The following SERPINC1 variants were observed in gnomAD, a reference collection of about 807,000 sequenced individuals.
The protein encoded by SERPINC1 is serpin family C member 1.
A neutral mutation model predicts 43.4 loss-of-function variants in SERPINC1; 12 were observed. The observed-to-expected ratio is 0.28, with a 90% CI of 0.18 to 0.45. The LOEUF (loss-of-function observed/expected upper bound fraction) is 0.45, where lower values mean the gene tolerates loss of function less well. SERPINC1 is among the 20% of genes least tolerant of loss of function. SERPINC1 has a pLI of 1.00. For missense variants in SERPINC1, 423 were observed against 578.8 expected (o/e 0.73, Z 2.76); for synonymous variants, 210 against 218.9 (o/e 0.96, Z 0.36).
intron 6 of SERPINC1, among the ~76,000 whole-genome samples, chr1:173,905,140 T>C (rs1301330202): frequency 6.6e-6 from 1 of 152,214 alleles, no homozygotes; most frequent in African/African-American, 2.4e-5. Context: ...GGATATTCAA[T>C]GAGAGTTAAA....
chr1:173,906,559 C>T (rs1240346418), intron 6 of SERPINC1, among the ~76,000 whole-genome samples: 1 of 152,072 alleles, frequency 6.6e-6, no homozygotes, highest in Non-Finnish European at 1.5e-5. Flanking sequence ...TCCATTTGCT[C>T]TTCATCCATT....
At chr1:173,904,669 T>C (rs557080348) in intron 6 of SERPINC1, among the ~76,000 whole-genome samples, 1 of 152,308 alleles carries the variant, frequency 6.6e-6, no homozygotes, top group Admixed American at 6.5e-5. Context: ...AAAACTCTGT[T>C]TCTGCTCTTA....
intron 2 of SERPINC1, among the ~76,000 whole-genome samples, 199 bp downstream of exon 2, chr1:173,914,354 G>A (rs1657897398): frequency 1.3e-5 from 2 of 152,218 alleles, no homozygotes; most frequent in Non-Finnish European, 2.9e-5. Context: ...AAAGTAGATA[G>A]CCAAGATTCC....
chr1:173,905,424 A>G (rs1256433568), intron 6 of SERPINC1, among the ~76,000 whole-genome samples: 2 of 151,986 alleles, frequency 1.3e-5, no homozygotes, highest in Non-Finnish European at 2.9e-5. Context: ...TGAGGCAATT[A>G]AAATATCTCA....
At chr1:173,909,973 A>T in intron 4 of SERPINC1, 31 bp from the exon 5 acceptor site, 1 of 1,609,350 alleles carries the variant, frequency 6.2e-7, no homozygotes, top group Non-Finnish European at 8.5e-7. Context: ...AAGAACACAA[A>T]CATTCATAGG....
chr1:173,913,842 G>A (rs6695940), intron 2 of SERPINC1, among the ~76,000 whole-genome samples: 24,213 of 147,932 alleles, frequency 0.16, 2,318 homozygotes, highest in African/African-American at 0.25. Flanking sequence ...ATGACAGAGC[G>A]AGACTCCGTC....
intron 6 of SERPINC1, among the ~76,000 whole-genome samples, chr1:173,904,622 C>T (rs1421029886): frequency 4.6e-5 from 7 of 152,130 alleles, no homozygotes; most frequent in Admixed American, 2.6e-4. Flanking sequence ...AGGGAAACAC[C>T]TTCAGAAAAT....
intron 1 of SERPINC1, among the ~76,000 whole-genome samples, chr1:173,916,344 G>C (rs966011252): frequency 6.6e-6 from 1 of 152,168 alleles, no homozygotes; most frequent in Admixed American, 6.6e-5. Flanking sequence ...GCAGATTCAC[G>C]GACGTGGTCC....
chr1:173,916,102 T>A (rs563691325), intron 1 of SERPINC1, among the ~76,000 whole-genome samples: 5 of 152,342 alleles, frequency 3.3e-5, no homozygotes, highest in African/African-American at 9.6e-5. Flanking sequence ...CCAACATGGA[T>A]TCAATGAAGG....
intron 6 of SERPINC1, among the ~76,000 whole-genome samples, chr1:173,904,526 G>A (rs1208163330): frequency 1.3e-5 from 2 of 152,144 alleles, no homozygotes; most frequent in Non-Finnish European, 2.9e-5. Context: ...GAAAAGAGGT[G>A]GGTTCTCTGG....
chr1:173,916,482 C>T (rs147973570), intron 1 of SERPINC1, among the ~76,000 whole-genome samples: 4 of 152,294 alleles, frequency 2.6e-5, no homozygotes, highest in African/African-American at 9.6e-5. Flanking sequence ...AGCAGCGGCA[C>T]CAAGGGAGAT....
chr1:173,914,962 C>G, intron 1 of SERPINC1, 43 bp from the exon 2 acceptor site: 2 of 1,595,698 alleles, frequency 1.3e-6, no homozygotes, highest in Non-Finnish European at 1.7e-6. Context: ...GCTGCAACCC[C>G]TAGCCCCACT....
At chr1:173,912,695 G>A (rs1161094704) in intron 2 of SERPINC1, among the ~76,000 whole-genome samples, 2 of 152,090 alleles carry the variant, frequency 1.3e-5, no homozygotes, top group Non-Finnish European at 2.9e-5. Context: ...TTTTTTTAGG[G>A]GGGGATTATG....
intron 1 of SERPINC1, among the ~76,000 whole-genome samples, chr1:173,916,032 T>C (rs1657974770): frequency 6.6e-6 from 1 of 152,206 alleles, no homozygotes; most frequent in South Asian, 2.1e-4. Flanking sequence ...TCACCAGTTA[T>C]TGCCACTGCT....
At chr1:173,915,919 C>T (rs1319907860) in intron 1 of SERPINC1, among the ~76,000 whole-genome samples, 3 of 152,168 alleles carry the variant, frequency 2.0e-5, no homozygotes, top group African/African-American at 7.2e-5. Flanking sequence ...CGTACAGAAA[C>T]CTGAGAATCA....
chr1:173,904,974 A>G (rs1657430285), intron 6 of SERPINC1, among the ~76,000 whole-genome samples: 1 of 152,318 alleles, frequency 6.6e-6, no homozygotes, highest in Middle Eastern at 3.4e-3. Flanking sequence ...TTTTCAAAGA[A>G]AACGGCTTTG....
chr1:173,917,205 C>G lies in SERPINC1; in HGVS notation c.41+14G>C. On this transcript the variant is annotated intron_variant, in intron 1 of 6. Coordinates refer to ENST00000367698, the MANE Select transcript of SERPINC1 (RefSeq NM_000488.4). Reference sequence around the variant, plus strand: ...CCAGTAGGGGCAGGCAAGGGGAAAGCTCACCCCTCTTACCTTTTTCCAGAG... The same window carrying G: ...CCAGTAGGGGCAGGCAAGGGGAAAGGTCACCCCTCTTACCTTTTTCCAGAG... The G allele has an allele frequency of 6.2e-7, 1 of 1,613,170 alleles. No homozygotes were observed. The highest frequency in any genetic ancestry group is 8.5e-7 in the Non-Finnish European group (1 of 1,179,238).
chr1:173,910,326 C>A (rs767856075), intron 4 of SERPINC1, among the ~76,000 whole-genome samples: 1 of 152,146 alleles, frequency 6.6e-6, no homozygotes, highest in Non-Finnish European at 1.5e-5. Flanking sequence ...TGCCTGTAAT[C>A]CCAGCACTTT....
At chr1:173,905,004 A>ATCTT (rs1657432720) in intron 6 of SERPINC1, among the ~76,000 whole-genome samples, 1 of 152,166 alleles carries the variant, frequency 6.6e-6, no homozygotes, top group South Asian at 2.1e-4. Context: ...CCATGGAAAA[A>ATCTT]TCTTACATAT....
Sources: gnomAD v4.1 joint callset for allele counts (sites outside exome capture counted in the v4.1 genomes callset) on GRCh38, gnomAD v4.1.1 for gene constraint, MANE v1.5 for transcripts, NCBI Gene and HGNC (gene_info 2026-07-23, HGNC 2026-07-21) for gene names.